EPHA4: variants seen among roughly 807,000 people sequenced by gnomAD.
EPHA4 encodes the protein ephrin type-A receptor 4.
EPHA4 carries 19 observed loss-of-function variants against 108.3 expected under a neutral mutation model. That is an observed-to-expected ratio of 0.18 (90% CI 0.12 to 0.26). The LOEUF (loss-of-function observed/expected upper bound fraction) is 0.26, where lower values mean the gene tolerates loss of function less well. EPHA4 is among the 10% of genes least tolerant of loss of function. The pLI, the probability that EPHA4 is intolerant of heterozygous loss-of-function variation, is 1.00. For synonymous variants in EPHA4, 449 were observed against 455.5 expected, an observed-to-expected ratio of 0.99 and a Z score of 0.18; for missense variants, 917 against 1,254.0, an observed-to-expected ratio of 0.73 and a Z score of 4.06.
rs1030265598 is a variant in EPHA4, at chr2:221,448,788, G to A, written c.1716-2607C>T. On this transcript the variant is annotated intron_variant, in intron 8 of 17. Coordinates refer to ENST00000281821, the MANE Select transcript of EPHA4 (RefSeq NM_004438.5). Reference sequence around the variant, plus strand: ...ATTTGAATTTCTTTCCTTTGAAGAAGGAAAAACAAATGCATAGAGTGAGAA... The same window carrying A: ...ATTTGAATTTCTTTCCTTTGAAGAAAGAAAAACAAATGCATAGAGTGAGAA... Among the ~76,000 whole-genome samples, 18 of 152,072 alleles carry A rather than the reference G, an allele frequency of 1.2e-4. 1 individual carries two copies.
chr2:221,471,771 A>G (rs1057510725), intron 5 of EPHA4, among the ~76,000 whole-genome samples: 1 of 152,204 alleles, frequency 6.6e-6, no homozygotes, highest in Non-Finnish European at 1.5e-5. Context: ...GGCTGTAAAC[A>G]CAGTGTATGC....
At chr2:221,561,271 A>T (rs1240270891) in intron 3 of EPHA4, among the ~76,000 whole-genome samples, 1 of 151,790 alleles carries the variant, frequency 6.6e-6, no homozygotes. Flanking sequence ...ATAAATAAAT[A>T]AAGTCTCACT....
intron 3 of EPHA4, among the ~76,000 whole-genome samples, chr2:221,556,034 G>C (rs1271764825): frequency 6.6e-6 from 1 of 152,180 alleles, no homozygotes. Context: ...AGGTGCAGTA[G>C]TTCTCAACAT....
intron 3 of EPHA4, among the ~76,000 whole-genome samples, chr2:221,559,036 AATC>A (rs1255542268): frequency 1.4e-5 from 2 of 147,178 alleles, no homozygotes; most frequent in Non-Finnish European, 3.0e-5. Context: ...TGAAAAAAGA[AATC>A]ATTTTTTTTG....
At chr2:221,526,022 A>G (rs908724060) in intron 3 of EPHA4, among the ~76,000 whole-genome samples, 1 of 152,264 alleles carries the variant, frequency 6.6e-6, no homozygotes, top group African/African-American at 2.4e-5. Context: ...CATTTCAAAA[A>G]TAATTATAAC....
upstream of EPHA4, chr2:221,572,509 A>G: frequency 7.6e-6 from 1 of 131,962 alleles, no homozygotes; most frequent in Non-Finnish European, 1.2e-5. Flanking sequence ...GGGGGCGAGC[A>G]CGGCCGGTCC....
In EPHA4 at chr2:221,437,796, G is replaced by T. The variant is rs530709357; in HGVS notation, c.2075-674C>A. Among the ~76,000 whole-genome samples the T allele has an allele frequency of 2.6e-5, 4 of 151,156 alleles. No individual in the cohort carries two copies. In the South Asian group the frequency reaches 8.4e-4, roughly 32 times the overall value. On this transcript the variant is annotated intron_variant, in intron 11 of 17. Transcript: ENST00000281821. ...AAATTTGCCAAGCATGGTGGCAGGC[G>T]CCTGTAATCCCAGCTACTCAGGAGG...
intron 3 of EPHA4, among the ~76,000 whole-genome samples, chr2:221,518,599 G>C (rs962870149): frequency 6.6e-6 from 1 of 152,186 alleles, no homozygotes; most frequent in Non-Finnish European, 1.5e-5. Flanking sequence ...TAAATGTCTA[G>C]ACACAGAAAG....
At position 221,458,004 on chromosome 2, in the gene EPHA4, A is replaced by G. The variant is rs369926073; in HGVS notation, c.1319-14T>C. 2.1e-5 allele frequency: 34 copies of G among 1,599,742 alleles called. No homozygotes were observed. Among genetic ancestry groups the G allele is most frequent in the Non-Finnish European group, 2.8e-5 (33 of 1,174,870 alleles). On this transcript the variant is annotated splice_polypyrimidine_tract_variant and intron_variant, in intron 5 of 17. Transcript: ENST00000281821. Reference sequence around the variant, plus strand: ...TGGATGATGGTGCTGTTAGAAAAAAACAAAAGACAAAAGATATTTTCTTTA... The same window carrying G: ...TGGATGATGGTGCTGTTAGAAAAAAGCAAAAGACAAAAGATATTTTCTTTA...
At chr2:221,502,513 C>T (rs941142588) in intron 3 of EPHA4, 12 of 471,010 alleles carry the variant, frequency 2.5e-5, no homozygotes, top group Admixed American at 7.1e-5. Context: ...CATGCAGCAA[C>T]GCAGCAGATC....
At chr2:221,427,443 T>TA (rs759203517) in intron 15 of EPHA4, among the ~76,000 whole-genome samples, 77 of 152,330 alleles carry the variant, frequency 5.1e-4, no homozygotes, top group East Asian at 5.8e-4. Context: ...TATTGACATA[T>TA]AAAAAATCAT....
chr2:221,477,557 G>C (rs1404784379), intron 5 of EPHA4, among the ~76,000 whole-genome samples: 1 of 152,156 alleles, frequency 6.6e-6, no homozygotes, highest in Non-Finnish European at 1.5e-5. Context: ...ATTAGGGGTA[G>C]GAGCAGAAAT....
intron 17 of EPHA4, 63 bp from the exon 18 acceptor site, chr2:221,420,615 C>T (rs1016854070): frequency 6.6e-6 from 1 of 152,170 alleles, no homozygotes; most frequent in African/African-American, 2.4e-5. Context: ...CAACTGTCAA[C>T]CACTATTGTA....
chr2:221,457,814 A>G (rs1409604842), intron 6 of EPHA4, 52 bp downstream of exon 6: 1 of 1,563,008 alleles, frequency 6.4e-7, no homozygotes. Context: ...GAAAACAAAG[A>G]AGGAAGGAAG....
At position 221,425,702 on chromosome 2, in the gene EPHA4, C is replaced by T. The variant is rs1689878237; in HGVS notation, c.*326G>A. The T allele has an allele frequency of 1.8e-5, 4 of 222,478 alleles. No homozygotes were observed. The South Asian group carries it at 4.1e-4, about 23-fold the overall frequency. 13.8% of individuals were successfully genotyped at this position (222,478 alleles called of 1,614,324 possible). A position where few individuals can be genotyped will look rare whatever the true frequency, so the allele number is the denominator to read the frequency against. ...GAGAATCAGGGATGTCTCAGAAGCT[C>T]AGTGTCTGGCAGCAAATACAGCATC... On this transcript the variant is annotated 3_prime_UTR_variant, in exon 17 of 18. Transcript: ENST00000281821.
intron 5 of EPHA4, among the ~76,000 whole-genome samples, chr2:221,459,940 C>T (rs1691088846): frequency 6.6e-6 from 1 of 152,150 alleles, no homozygotes; most frequent in Admixed American, 6.6e-5. Flanking sequence ...GAATTGCCTG[C>T]CTGCCCTTGG....
intron 15 of EPHA4, 139 bp from the exon 16 acceptor site, chr2:221,426,758 G>T (rs1574552851): frequency 6.7e-6 from 5 of 743,798 alleles, no homozygotes; most frequent in South Asian, 3.6e-5. Flanking sequence ...GTTGTTAAAT[G>T]TAACTATGCA....
Position 221,442,857 on chromosome 2 carries a change from G to C in EPHA4, c.2046C>G (p.Ile682Met). The change falls in exon 11 of 18, where the codon ATC (isoleucine) becomes ATG (methionine). Residue 682 changes from isoleucine (I) to methionine (M), a missense_variant. Coordinates refer to ENST00000281821, the MANE Select transcript of EPHA4 (RefSeq NM_004438.5). ...TAGTGACCACGCCTTCCAAGTGAAT[G>C]ATGTTCGGATGGTCAAACTGTCCCA... The part of the protein sequence containing the change: ...SIMGQFDHPN[I>M]IHLEGVVTKC... The C allele has an allele frequency of 6.2e-7, 1 of 1,614,202 alleles. No individual in the cohort carries two copies. Among genetic ancestry groups the C allele is most frequent in the Non-Finnish European group, 8.5e-7 (1 of 1,180,030 alleles).
intron 8 of EPHA4, among the ~76,000 whole-genome samples, chr2:221,452,728 G>C (rs1200032816): frequency 6.6e-6 from 1 of 152,014 alleles, no homozygotes; most frequent in African/African-American, 2.4e-5. Flanking sequence ...TTTTAATGGG[G>C]GAGAAGGGAC....
Sources: allele counts gnomAD v4.1 joint callset (sites outside exome capture counted in the v4.1 genomes callset), GRCh38; gene constraint gnomAD v4.1.1; transcripts MANE v1.5; gene names NCBI Gene and HGNC (gene_info 2026-07-23, HGNC 2026-07-21).